The following PRKD1 variants were observed in gnomAD, a reference collection of about 807,000 sequenced individuals.
PRKD1 encodes the protein protein kinase D1.
A neutral mutation model predicts 95.9 loss-of-function variants in PRKD1; 63 were observed. The ratio of observed to expected loss-of-function variants is 0.66; its 90% CI spans 0.54 to 0.81. The LOEUF (loss-of-function observed/expected upper bound fraction) is 0.81. PRKD1 is among the 30% of genes least tolerant of loss of function. PRKD1 has a pLI of 0.00. For missense variants in PRKD1, 1,048 were observed against 1,165.3 expected, an observed-to-expected ratio of 0.90 and a Z score of 1.47; for synonymous variants, 425 against 423.1, an observed-to-expected ratio of 1.00 and a Z score of -0.05.
At chr14:29,826,768 T>C (rs74208114) in intron 1 of PRKD1, among the ~76,000 whole-genome samples, 8,858 of 34,120 alleles carry the variant, frequency 0.26, 2,560 homozygotes, top group Non-Finnish European at 0.35. Context: ...CATATATATA[T>C]ACACATATAT....
intron 1 of PRKD1, among the ~76,000 whole-genome samples, chr14:29,815,060 C>A (rs1396855512): frequency 6.6e-6 from 1 of 152,090 alleles, no homozygotes; most frequent in Non-Finnish European, 1.5e-5. Flanking sequence ...GCTCCAAGTG[C>A]CCTGGTTAAT....
At chr14:29,702,145 A>C (rs1884872426) in intron 2 of PRKD1, among the ~76,000 whole-genome samples, 1 of 152,152 alleles carries the variant, frequency 6.6e-6, no homozygotes, top group South Asian at 2.1e-4. Context: ...TTCCTCTAGA[A>C]GTATGGATGT....
intron 16 of PRKD1, among the ~76,000 whole-genome samples, chr14:29,592,373 AT>A (rs1001382925): frequency 2.6e-5 from 4 of 152,142 alleles, no homozygotes; most frequent in Non-Finnish European, 5.9e-5. Context: ...GTAGGCATGC[AT>A]TTTTATATAG....
chr14:29,838,706 A>C (rs1426871626), intron 1 of PRKD1, among the ~76,000 whole-genome samples: 1 of 152,142 alleles, frequency 6.6e-6, no homozygotes, highest in Non-Finnish European at 1.5e-5. Context: ...TATATATATA[A>C]ATGCAAGATA....
At chr14:29,636,583 T>C (rs762666572) in intron 6 of PRKD1, 89 bp from the exon 7 acceptor site, 54 of 1,312,836 alleles carry the variant, frequency 4.1e-5, no homozygotes, top group Non-Finnish European at 5.5e-5. Context: ...AACAAATCAA[T>C]TGGAAGCCCC....
At chr14:29,778,717 G>A (rs1888892315) in intron 1 of PRKD1, among the ~76,000 whole-genome samples, 1 of 152,160 alleles carries the variant, frequency 6.6e-6, no homozygotes, top group South Asian at 2.1e-4. Flanking sequence ...GTACAAGGAG[G>A]AGCTGTTTCC....
chr14:29,780,554 G>T (rs575306727), intron 1 of PRKD1, among the ~76,000 whole-genome samples: 9 of 152,288 alleles, frequency 5.9e-5, no homozygotes, highest in Non-Finnish European at 4.4e-5. Flanking sequence ...ATCATCACTG[G>T]CCATCAGAGA....
At chr14:29,757,630 T>C (rs1052058935) in intron 1 of PRKD1, among the ~76,000 whole-genome samples, 1 of 151,702 alleles carries the variant, frequency 6.6e-6, no homozygotes, top group Non-Finnish European at 1.5e-5. Context: ...GGTTTTATTA[T>C]GGACAGAAAA....
At chr14:29,791,399 A>T (rs976593630) in intron 1 of PRKD1, among the ~76,000 whole-genome samples, 1 of 152,162 alleles carries the variant, frequency 6.6e-6, no homozygotes, top group African/African-American at 2.4e-5. Context: ...GTAACACTGA[A>T]ATTACCAGAT....
intron 1 of PRKD1, among the ~76,000 whole-genome samples, chr14:29,753,153 G>A (rs1887554593): frequency 6.6e-6 from 1 of 152,046 alleles, no homozygotes; most frequent in South Asian, 2.1e-4. Context: ...GTGTGGAAGA[G>A]GCAAATGAGA....
chr14:29,794,827 T>C (rs916793694), intron 1 of PRKD1, among the ~76,000 whole-genome samples: 1 of 152,132 alleles, frequency 6.6e-6, no homozygotes, highest in Non-Finnish European at 1.5e-5. Context: ...GAATCAAAGG[T>C]ATGATCACAG....
At chr14:29,799,985 C>T (rs556351860) in intron 1 of PRKD1, among the ~76,000 whole-genome samples, 3 of 151,968 alleles carry the variant, frequency 2.0e-5, no homozygotes, top group Admixed American at 6.6e-5. Context: ...GCTGAAGTGC[C>T]GTCTAGTGTT....
chr14:29,920,996 TA>T (rs1322308800), intron 1 of PRKD1, among the ~76,000 whole-genome samples: 1 of 152,200 alleles, frequency 6.6e-6, no homozygotes, highest in Non-Finnish European at 1.5e-5. Flanking sequence ...GATCTGCAAA[TA>T]AGCTTTAAAT....
intron 1 of PRKD1, among the ~76,000 whole-genome samples, chr14:29,773,358 G>A (rs1888592676): frequency 6.6e-6 from 1 of 151,622 alleles, no homozygotes; most frequent in African/African-American, 2.4e-5. Context: ...TACTCGGGAG[G>A]CTGAGATAGG....
At chr14:29,656,482 G>T in intron 4 of PRKD1, 1 of 1,535,466 alleles carries the variant, frequency 6.5e-7, no homozygotes, top group South Asian at 1.2e-5. Context: ...CTACCTCAAA[G>T]CCAGGACTCA....
At chr14:29,636,892 T>C (rs938497092) in intron 6 of PRKD1, among the ~76,000 whole-genome samples, 5 of 152,208 alleles carry the variant, frequency 3.3e-5, no homozygotes, top group Admixed American at 3.3e-4. Flanking sequence ...GTTCCTGTGT[T>C]AGTTTGCTAA....
At chr14:29,918,178 T>C (rs1020920983) in intron 1 of PRKD1, among the ~76,000 whole-genome samples, 4 of 152,168 alleles carry the variant, frequency 2.6e-5, no homozygotes, top group Non-Finnish European at 4.4e-5. Context: ...ATTTAATCAC[T>C]GCACAATGTA....
intron 1 of PRKD1, among the ~76,000 whole-genome samples, chr14:29,922,312 AAAAGAAAAAGT>A (rs1302762283): frequency 1.3e-5 from 2 of 151,472 alleles, no homozygotes; most frequent in Admixed American, 6.6e-5. Context: ...AAAAAAAAAA[AAAAGAAAAAGT>A]AAAGAAAAAA....
intron 1 of PRKD1, 72 bp downstream of exon 1, chr14:29,927,177 G>C: frequency 7.4e-7 from 1 of 1,342,700 alleles, no homozygotes. Flanking sequence ...AAGTTGGCGC[G>C]GAGAGGGCCA....
Sources: gnomAD v4.1 joint callset for allele counts (sites outside exome capture counted in the v4.1 genomes callset) on GRCh38, gnomAD v4.1.1 for gene constraint, MANE v1.5 for transcripts, NCBI Gene and HGNC (gene_info 2026-07-23, HGNC 2026-07-21) for gene names.